RBMS3: variants seen among roughly 807,000 people sequenced by gnomAD.
RBMS3 encodes RNA-binding motif, single-stranded-interacting protein 3.
In RBMS3, 27 loss-of-function variants were observed where a neutral mutation model predicts 66.8. That is an observed-to-expected ratio of 0.40 (90% confidence interval 0.30 to 0.56). The LOEUF is 0.56. Among genes scored for constraint, RBMS3 ranks in the 20% least tolerant of loss-of-function variants. The pLI is 0.40. For synonymous variants in RBMS3, 188 were observed against 183.0 expected, an observed-to-expected ratio of 1.03 and a Z score of -0.22; for missense variants, 513 against 549.5, an observed-to-expected ratio of 0.93 and a Z score of 0.66.
chr3:29,486,240 A>C (rs2043312301), intron 2 of RBMS3, among the ~76,000 whole-genome samples: 1 of 152,170 alleles, frequency 6.6e-6, no homozygotes, highest in Non-Finnish European at 1.5e-5. Flanking sequence ...TCAGACATGA[A>C]CTGTAACCAG....
intron 8 of RBMS3, among the ~76,000 whole-genome samples, chr3:29,893,392 C>T (rs1577083545): frequency 6.6e-6 from 1 of 151,564 alleles, no homozygotes; most frequent in East Asian, 2.0e-4. Flanking sequence ...CCTGTCAATC[C>T]AATCTTTATT....
intron 6 of RBMS3, among the ~76,000 whole-genome samples, chr3:29,782,507 C>T (rs1211789916): frequency 1.3e-5 from 2 of 152,150 alleles, no homozygotes; most frequent in African/African-American, 2.4e-5. Flanking sequence ...GGGAGCATCC[C>T]GTGGGACAAA....
At chr3:29,339,000 A>G (rs2036124617) in intron 1 of RBMS3, among the ~76,000 whole-genome samples, 1 of 152,074 alleles carries the variant, frequency 6.6e-6, no homozygotes, top group Non-Finnish European at 1.5e-5. Flanking sequence ...ACTAATTGTC[A>G]TCTTTGCTAG....
At chr3:29,345,862 T>A (rs1308526368) in intron 1 of RBMS3, among the ~76,000 whole-genome samples, 1 of 152,204 alleles carries the variant, frequency 6.6e-6, no homozygotes, top group Non-Finnish European at 1.5e-5. Flanking sequence ...AGAAAAATGG[T>A]TTGGTTATAC....
intron 3 of RBMS3, among the ~76,000 whole-genome samples, chr3:29,511,394 C>T (rs990313845): frequency 1.3e-5 from 2 of 152,152 alleles, no homozygotes; most frequent in South Asian, 4.1e-4. Context: ...GGTATATGAA[C>T]AGGCGATAGC....
At chr3:29,490,757 C>T (rs1200601378) in intron 3 of RBMS3, among the ~76,000 whole-genome samples, 4 of 152,030 alleles carry the variant, frequency 2.6e-5, no homozygotes, top group African/African-American at 7.2e-5. Context: ...GAAAGCTGGG[C>T]CATGGCCAAG....
At chr3:29,341,649 C>T (rs114250140) in intron 1 of RBMS3, among the ~76,000 whole-genome samples, 256 of 152,276 alleles carry the variant, frequency 1.7e-3, no homozygotes, top group African/African-American at 5.9e-3. Flanking sequence ...TGATGACCCC[C>T]AGCTCTGTGG....
chr3:29,366,411 G>A (rs1187121577), intron 1 of RBMS3, among the ~76,000 whole-genome samples: 1 of 152,116 alleles, frequency 6.6e-6, no homozygotes, highest in African/African-American at 2.4e-5. Context: ...TTTTTAAACA[G>A]GGTCTTGCTT....
rs60407210 is a variant in RBMS3, at chr3:29,828,989, T to A, written c.638-39869T>A. Among the ~76,000 whole-genome samples, 56 of 32,794 alleles carry A rather than the reference T, an allele frequency of 1.7e-3. 1 individual carries two copies. Among genetic ancestry groups the A allele is most frequent in the Admixed American group, 0.012 (38 of 3,240 alleles). 21.5% of individuals were successfully genotyped at this position (32,794 alleles called of 152,430 possible). The stretch of plus-strand genomic sequence containing the variant: ...CTGTTAGCGAGTGACTTTCTTTCTT[T>A]CTTTCTTTCTTTCTTTCTTTCTTTC... On this transcript the variant is annotated intron_variant, in intron 6 of 14. Transcript: ENST00000383767.
chr3:29,837,673 T>TA (rs1437074454), intron 6 of RBMS3, among the ~76,000 whole-genome samples: 1 of 56,608 alleles, frequency 1.8e-5, no homozygotes, highest in East Asian at 3.1e-4. Context: ...CATATATATA[T>TA]ATATATATAT....
At chr3:29,781,566 T>A (rs947043331) in intron 6 of RBMS3, among the ~76,000 whole-genome samples, 3 of 152,174 alleles carry the variant, frequency 2.0e-5, no homozygotes, top group Non-Finnish European at 2.9e-5. Flanking sequence ...TCCTGAATAT[T>A]ATGAAATACC....
rs957742943 is a variant in RBMS3, at chr3:29,955,425, C to T, written c.1098+11171C>T. On this transcript the variant is annotated intron_variant, in intron 12 of 14. Transcript: ENST00000383767. Reference sequence around the variant, plus strand: ...ATTTCAAAGTCACTGCCACTCATACCTTTCAGAACCTTGACTAAGAGAAAT... The same window carrying T: ...ATTTCAAAGTCACTGCCACTCATACTTTTCAGAACCTTGACTAAGAGAAAT... Among the ~76,000 whole-genome samples the T allele has an allele frequency of 2.6e-5, 4 of 151,942 alleles. No homozygotes were observed. The East Asian group carries it at 7.7e-4, about 29-fold the overall frequency.
At chr3:29,786,764 T>C (rs2056834879) in intron 6 of RBMS3, among the ~76,000 whole-genome samples, 1 of 152,042 alleles carries the variant, frequency 6.6e-6, no homozygotes, top group Non-Finnish European at 1.5e-5. Context: ...GAAAAACCTT[T>C]CTAGACATTG....
intron 6 of RBMS3, among the ~76,000 whole-genome samples, chr3:29,809,917 C>T (rs2057680978): frequency 6.6e-6 from 1 of 152,062 alleles, no homozygotes; most frequent in Admixed American, 6.6e-5. Context: ...ACCACCCCAC[C>T]ATCATGGTCC....
At chr3:29,540,989 T>G (rs72855048) in intron 3 of RBMS3, among the ~76,000 whole-genome samples, 3,243 of 152,252 alleles carry the variant, frequency 0.021, 113 homozygotes, top group African/African-American at 0.073. Flanking sequence ...CAGCTAATCT[T>G]GTATTTGCCC....
intron 1 of RBMS3, among the ~76,000 whole-genome samples, chr3:29,380,418 C>T (rs963742572): frequency 1.3e-5 from 2 of 152,024 alleles, no homozygotes; most frequent in Non-Finnish European, 2.9e-5. Flanking sequence ...GTTGCAAAGC[C>T]AGCCATGTAA....
intron 10 of RBMS3, among the ~76,000 whole-genome samples, chr3:29,930,025 A>G (rs1256065235): frequency 6.6e-6 from 1 of 151,620 alleles, no homozygotes; most frequent in East Asian, 1.9e-4. Context: ...TATTATAACC[A>G]TAATCTTGCC....
intron 5 of RBMS3, among the ~76,000 whole-genome samples, chr3:29,745,112 A>C (rs1029629528): frequency 6.6e-6 from 1 of 152,226 alleles, no homozygotes; most frequent in African/African-American, 2.4e-5. Flanking sequence ...TTTTATATTT[A>C]AAACGCTGAA....
chr3:29,404,902 T>C (rs762312705), intron 1 of RBMS3, among the ~76,000 whole-genome samples: 5 of 152,122 alleles, frequency 3.3e-5, no homozygotes, highest in Non-Finnish European at 7.4e-5. Context: ...AATAATATAG[T>C]CTTGCATAGG....
Sources: allele counts gnomAD v4.1 joint callset (sites outside exome capture counted in the v4.1 genomes callset), GRCh38; gene constraint gnomAD v4.1.1; transcripts MANE v1.5; gene names NCBI Gene and HGNC (gene_info 2026-07-23, HGNC 2026-07-21).